Variants in HPSE observed in about 807,000 individuals in gnomAD.
The protein encoded by HPSE is heparanase, also known as endo-glucoronidase.
In HPSE, 48 loss-of-function variants were observed where a neutral mutation model predicts 65.1. The observed-to-expected ratio is 0.74, with a 90% CI of 0.58 to 0.94. HPSE has a LOEUF of 0.94. Among genes scored for constraint, HPSE ranks in the 40% least tolerant of loss-of-function variants. The pLI, the probability that HPSE is intolerant of heterozygous loss-of-function variation, is 0.00. For synonymous variants in HPSE, 243 were observed against 260.0 expected, an observed-to-expected ratio of 0.93 and a Z score of 0.63; for missense variants, 644 against 637.5, an observed-to-expected ratio of 1.01 and a Z score of -0.11.
chr4:83,295,822 CA>C (rs1735701661), intron 11 of HPSE, among the ~76,000 whole-genome samples: 1 of 152,152 alleles, frequency 6.6e-6, no homozygotes, highest in Non-Finnish European at 1.5e-5. Flanking sequence ...AAAGGATAAA[CA>C]TGACACAACT....
chr4:83,317,718 C>G (rs1364256037), intron 3 of HPSE, among the ~76,000 whole-genome samples: 1 of 152,102 alleles, frequency 6.6e-6, no homozygotes, highest in Non-Finnish European at 1.5e-5. Flanking sequence ...TGCGACCCCC[C>G]AAGACTCACC....
In HPSE at chr4:83,313,177, C is replaced by T. The variant is rs551648981; in HGVS notation, c.610G>A (p.Ala204Thr). 1.7e-5 allele frequency: 27 copies of T among 1,613,948 alleles called. No homozygotes were observed. In the South Asian group the frequency reaches 2.9e-4, roughly 17 times the overall value. ...TADLQWNSSN[A>T]QLLLDYCSSK... ...GAGCAGTAGTCCAGGAGCAACTGAG[C>T]ATTAGAACTGTTCCACTGCAAATCT... The change falls in exon 4 of 12, where the codon GCT (alanine) becomes ACT (threonine). Residue 204 changes from alanine to threonine, a missense_variant. Physicochemically the swap from Ala to Thr is moderately conservative, Grantham distance 58. Transcript: ENST00000311412.
In HPSE at chr4:83,295,457, T is replaced by C. The variant is rs759625684; in HGVS notation, c.1519A>G (p.Thr507Ala). Residue 507 changes from threonine to alanine, a missense_variant, in exon 12 of 12, where the codon ACC becomes GCC. Physicochemically the swap from Thr to Ala is moderately conservative, Grantham distance 58. Transcript: ENST00000311412. ...GGTTTTTCCATTAAAGGTGGCAAGG[T>C]TTGATCATCCACCATCTTTAGAGTT... ...GLTLKMVDDQ[T>A]LPPLMEKPLR... The C allele has an allele frequency of 6.2e-7, 1 of 1,612,704 alleles. No homozygotes were observed. The highest frequency in any genetic ancestry group is 8.5e-7 in the Non-Finnish European group (1 of 1,179,182).
chr4:83,318,710 C>CAAA lies in HPSE; in HGVS notation c.499+631_499+633dup, dbSNP rs11392395. On this transcript the variant is annotated intron_variant, in intron 3 of 11. Transcript: ENST00000311412. ...GGGCGACAAGAGTGAGATTCCATCT[C>CAAA]AAAAAAAAAAAAAAAAAAGGGGGTT... Among the ~76,000 whole-genome samples, 28 of 89,712 alleles carry CAAA rather than the reference C, an allele frequency of 3.1e-4. 1 individual carries two copies. The highest frequency in any genetic ancestry group is 6.9e-4 in the African/African-American group (18 of 26,162). The allele number at this position is 89,712 out of a possible 152,430, so 58.9% of individuals were successfully genotyped here.
chr4:83,314,587 T>C (rs1736555424), intron 3 of HPSE, among the ~76,000 whole-genome samples: 1 of 152,218 alleles, frequency 6.6e-6, no homozygotes, highest in African/African-American at 2.4e-5. Context: ...TTTAAACCAT[T>C]AGCTGTTCTA....
At chr4:83,301,228 A>AC in intron 10 of HPSE, 122 bp from the exon 11 acceptor site, 8 of 575,092 alleles carry the variant, frequency 1.4e-5, no homozygotes, top group Non-Finnish European at 2.1e-5. Context: ...CATCCTAAGT[A>AC]TTAGGATCCA....
intron 3 of HPSE, among the ~76,000 whole-genome samples, chr4:83,315,488 G>T (rs1468377360): frequency 6.6e-6 from 1 of 152,158 alleles, no homozygotes; most frequent in Non-Finnish European, 1.5e-5. Context: ...CAGCCGTTTG[G>T]TGGCAGTACC....
intron 1 of HPSE, among the ~76,000 whole-genome samples, chr4:83,330,173 C>T (rs768906523): frequency 1.4e-4 from 22 of 152,172 alleles, no homozygotes; most frequent in Non-Finnish European, 2.9e-4. Context: ...GGCTGTCATC[C>T]AGAAGCCAGA....
At chr4:83,307,408 T>TGCA (rs35936108) in intron 8 of HPSE, among the ~76,000 whole-genome samples, 27,895 of 151,870 alleles carry the variant, frequency 0.18, 3,283 homozygotes, top group Middle Eastern at 0.27. Context: ...GGCAACTGCA[T>TGCA]GCAGCAGCAG....
At position 83,310,750 on chromosome 4, in the gene HPSE, G is replaced by A. The variant is rs1033093262; in HGVS notation, c.814C>T (p.Arg272Ter). 5 of 1,613,190 alleles carry A rather than the reference G, an allele frequency of 3.1e-6. No individual in the cohort carries two copies. The highest frequency in any genetic ancestry group is 1.1e-5 in the South Asian group (1 of 90,974). The change falls in exon 5 of 12, where the codon CGA becomes TGA. Residue 272 changes from arginine (R) to a stop codon, truncating the protein, a stop_gained. Transcript: ENST00000311412. LOFTEE classifies it high-confidence loss of function. Reference sequence around the variant, plus strand: ...TTCAGCATCTTAGCCGTCTTTCTTCGAGGCTGACCAACATCAGGACCATAG... The same window carrying A: ...TTCAGCATCTTAGCCGTCTTTCTTCAAGGCTGACCAACATCAGGACCATAG... The part of the protein sequence containing the change: ...KLYGPDVGQP[R>*]RKTAKMLKSF...
At chr4:83,321,400 C>T (rs1020898530) in intron 2 of HPSE, among the ~76,000 whole-genome samples, 24 of 151,990 alleles carry the variant, frequency 1.6e-4, no homozygotes, top group African/African-American at 5.8e-4. Flanking sequence ...TCAAATATTC[C>T]TCATAATGAA....
At chr4:83,312,673 G>A (rs1252566977) in intron 4 of HPSE, among the ~76,000 whole-genome samples, 4 of 53,040 alleles carry the variant, frequency 7.5e-5, no homozygotes, top group Admixed American at 3.8e-4. Flanking sequence ...GCGAGACTCC[G>A]TCTCAAAAAA....
intron 1 of HPSE, 99 bp from the exon 2 acceptor site, chr4:83,322,463 A>G: frequency 1.0e-6 from 1 of 979,418 alleles, no homozygotes; most frequent in Non-Finnish European, 1.5e-6. Flanking sequence ...ATTTCTTAAC[A>G]TTTCCCTGTG....
At chr4:83,307,452 C>T (rs1736184993) in intron 8 of HPSE, among the ~76,000 whole-genome samples, 1 of 152,188 alleles carries the variant, frequency 6.6e-6, no homozygotes, top group African/African-American at 2.4e-5. Context: ...TTACATCTTT[C>T]CATATGATAA....
intron 6 of HPSE, 78 bp downstream of exon 6, chr4:83,309,953 G>T: frequency 2.0e-6 from 2 of 1,012,314 alleles, no homozygotes; most frequent in South Asian, 3.0e-5. Flanking sequence ...GCAGTTAAAT[G>T]AACTAACTTT....
intron 11 of HPSE, among the ~76,000 whole-genome samples, chr4:83,299,619 G>A (rs747094828): frequency 2.0e-5 from 3 of 152,138 alleles, no homozygotes; most frequent in African/African-American, 4.8e-5. Context: ...CTCAGGTTCC[G>A]AGGCTAATAG....
chr4:83,297,585 C>G (rs181764567), intron 11 of HPSE, among the ~76,000 whole-genome samples: 22 of 152,282 alleles, frequency 1.4e-4, no homozygotes, highest in Admixed American at 1.4e-3. Flanking sequence ...CTCTCACACC[C>G]TGTCCTCATT....
rs112315000 is a variant in HPSE at position 83,330,652 on chromosome 4, G to T, written c.227+3904C>A. Among the ~76,000 whole-genome samples the T allele has an allele frequency of 1.3e-3, 192 of 152,212 alleles. 1 individual carries two copies. Among genetic ancestry groups the T allele is most frequent in the African/African-American group, 4.6e-3 (189 of 41,528 alleles). On this transcript the variant is annotated intron_variant, in intron 1 of 11. Coordinates refer to ENST00000311412, the MANE Select transcript of HPSE (RefSeq NM_001098540.3). ...TTTATCAGTAAATATTTATTGAATTGGCAAAAATGGATGAACTTTGCTGAA... is the reference window on the plus strand; with the variant it reads ...TTTATCAGTAAATATTTATTGAATTTGCAAAAATGGATGAACTTTGCTGAA...
At chr4:83,296,466 G>A (rs952468388) in intron 11 of HPSE, among the ~76,000 whole-genome samples, 1 of 152,084 alleles carries the variant, frequency 6.6e-6, no homozygotes, top group African/African-American at 2.4e-5. Context: ...TTGAGGCCAG[G>A]AGTTCAAGAT....
Sources: gnomAD v4.1 joint callset for allele counts (sites outside exome capture counted in the v4.1 genomes callset) on GRCh38, gnomAD v4.1.1 for gene constraint, MANE v1.5 for transcripts, NCBI Gene and HGNC (gene_info 2026-07-23, HGNC 2026-07-21) for gene names.